Variants in DPYD observed in about 807,000 individuals in gnomAD.
The protein encoded by DPYD is dihydropyrimidine dehydrogenase [NADP(+)].
DPYD carries 109 observed loss-of-function variants against 116.2 expected under a neutral mutation model. That is an observed-to-expected ratio of 0.94 (90% CI 0.80 to 1.10). The LOEUF (loss-of-function observed/expected upper bound fraction) is 1.10, where lower values mean the gene tolerates loss of function less well. DPYD is among the 50% of genes least tolerant of loss of function. The probability of loss-of-function intolerance (pLI) is 0.00; values close to 1 mark genes in which losing one functional copy is unlikely to be tolerated. For synonymous variants in DPYD, 440 were observed against 432.0 expected (o/e 1.02, Z -0.23); for missense variants, 1,302 against 1,254.5 (o/e 1.04, Z -0.57).
At chr1:97,801,017 T>C (rs1033242657) in intron 3 of DPYD, among the ~76,000 whole-genome samples, 8 of 151,948 alleles carry the variant, frequency 5.3e-5, no homozygotes, top group African/African-American at 1.9e-4. Flanking sequence ...CATCCATCCA[T>C]TCATTCTACA....
chr1:97,379,897 C>T (rs929280474), intron 15 of DPYD, among the ~76,000 whole-genome samples: 11 of 152,274 alleles, frequency 7.2e-5, no homozygotes, highest in Non-Finnish European at 1.2e-4. Context: ...ATGTGCTATT[C>T]CCTGTCCCAT....
chr1:97,168,057 GT>G (rs1288405793), intron 20 of DPYD, among the ~76,000 whole-genome samples: 1 of 152,088 alleles, frequency 6.6e-6, no homozygotes, highest in African/African-American at 2.4e-5. Flanking sequence ...TAAACCTAAA[GT>G]TTTTATTCCA....
intron 19 of DPYD, among the ~76,000 whole-genome samples, chr1:97,234,471 G>A (rs1040964337): frequency 1.3e-5 from 2 of 151,900 alleles, no homozygotes; most frequent in East Asian, 1.9e-4. Context: ...ATCAAATTTG[G>A]TAATGACATA....
chr1:97,321,848 T>C (rs1668297061), intron 16 of DPYD, among the ~76,000 whole-genome samples: 2 of 45,168 alleles, frequency 4.4e-5, no homozygotes, highest in African/African-American at 6.5e-5. Context: ...TGTCCAACAA[T>C]GATAGACTGG....
At chr1:97,093,808 T>A (rs556996659) in intron 21 of DPYD, among the ~76,000 whole-genome samples, 43 of 152,266 alleles carry the variant, frequency 2.8e-4, no homozygotes, top group Non-Finnish European at 4.4e-4. Flanking sequence ...TATGTCTGCT[T>A]GTTAAAATGA....
At chr1:97,227,055 T>A (rs534309638) in intron 19 of DPYD, among the ~76,000 whole-genome samples, 3 of 152,096 alleles carry the variant, frequency 2.0e-5, no homozygotes, top group African/African-American at 7.2e-5. Context: ...GGGCTGGGCA[T>A]GGTGGCTCAC....
At chr1:97,084,986 G>A (rs1649415013) in intron 21 of DPYD, among the ~76,000 whole-genome samples, 1 of 152,122 alleles carries the variant, frequency 6.6e-6, no homozygotes, top group Non-Finnish European at 1.5e-5. Context: ...ATAGTGGGAT[G>A]AAGTAATAGC....
At chr1:97,674,715 C>G (rs1187011813) in intron 8 of DPYD, among the ~76,000 whole-genome samples, 2 of 151,656 alleles carry the variant, frequency 1.3e-5, no homozygotes, top group Admixed American at 6.6e-5. Flanking sequence ...CTACGTCCCA[C>G]TCCTGAAATT....
intron 8 of DPYD, among the ~76,000 whole-genome samples, chr1:97,668,936 T>C (rs1011477312): frequency 6.6e-6 from 1 of 152,208 alleles, no homozygotes; most frequent in Non-Finnish European, 1.5e-5. Context: ...ATTCTCATAA[T>C]GGATGTATTA....
At chr1:97,096,771 T>C (rs186109878) in intron 21 of DPYD, among the ~76,000 whole-genome samples, 202 of 152,192 alleles carry the variant, frequency 1.3e-3, no homozygotes, top group African/African-American at 4.4e-3. Context: ...AATAAGGGAA[T>C]AAAAGCTGGC....
chr1:97,590,077 T>C (rs982098586), intron 10 of DPYD, among the ~76,000 whole-genome samples: 1 of 152,260 alleles, frequency 6.6e-6, no homozygotes, highest in East Asian at 1.9e-4. Context: ...GACTTTCCAG[T>C]TTCATGAGTG....
intron 5 of DPYD, among the ~76,000 whole-genome samples, chr1:97,711,603 A>G (rs1176712687): frequency 6.6e-6 from 1 of 152,004 alleles, no homozygotes; most frequent in Non-Finnish European, 1.5e-5. Context: ...GTGCATGAAA[A>G]TGATGCATTC....
chr1:97,173,372 A>ATG lies in DPYD; in HGVS notation c.2622+19695_2622+19696dup, dbSNP rs543385604. Among the ~76,000 whole-genome samples the ATG allele has an allele frequency of 7.1e-3, 1,066 of 150,436 alleles. 15 individuals are homozygous for ATG. The highest frequency in any genetic ancestry group is 0.025 in the African/African-American group (1,022 of 41,140). On this transcript the variant is annotated intron_variant, in intron 20 of 22. Transcript: ENST00000370192. ...CACATATATGTACATATATACATAT[A>ATG]TGTGTGTATATACGTACATATATGT... is the stretch of plus-strand genomic sequence containing the variant.
chr1:97,690,325 G>A (rs1024271270), intron 7 of DPYD, among the ~76,000 whole-genome samples: 2 of 151,944 alleles, frequency 1.3e-5, no homozygotes, highest in African/African-American at 4.8e-5. Context: ...TCAAATAAGA[G>A]TAATGGGTAT....
chr1:97,180,909 A>C (rs1299765640), intron 20 of DPYD, among the ~76,000 whole-genome samples: 1 of 152,166 alleles, frequency 6.6e-6, no homozygotes, highest in Non-Finnish European at 1.5e-5. Flanking sequence ...AACACAATGA[A>C]AATGTAGTAT....
intron 8 of DPYD, among the ~76,000 whole-genome samples, chr1:97,649,997 C>G (rs1034149166): frequency 2.6e-5 from 4 of 152,002 alleles, no homozygotes; most frequent in African/African-American, 9.7e-5. Context: ...ATTCTTTTTC[C>G]AAATGCAAAT....
At chr1:97,859,466 A>G (rs1188245365) in intron 2 of DPYD, among the ~76,000 whole-genome samples, 1 of 152,176 alleles carries the variant, frequency 6.6e-6, no homozygotes, top group Non-Finnish European at 1.5e-5. Context: ...AAGTTGTCAG[A>G]TGGAGGATGC....
intron 3 of DPYD, among the ~76,000 whole-genome samples, chr1:97,812,309 C>A (rs577259300): frequency 1.3e-5 from 2 of 152,220 alleles, no homozygotes; most frequent in African/African-American, 4.8e-5. Context: ...CATAAATTAA[C>A]TGAATTTAAT....
At position 97,515,809 on chromosome 1, in the gene DPYD, G is replaced by C. The variant is rs2101975927; in HGVS notation, c.1657C>G (p.Pro553Ala). Residue 553 changes from proline to alanine, a missense_variant, in exon 13 of 23, where the codon CCA becomes GCA. Transcript: ENST00000370192. ...INPFGLASAT[P>A]ATSTSMIRRA... ...CGAATCATTGATGTGCTGGTGGCTG[G>C]AGTTGCGCTAGCAAGACCAAAAGGA... The C allele has an allele frequency of 6.2e-7, 1 of 1,612,940 alleles. No individual in the cohort carries two copies. The highest frequency in any genetic ancestry group is 1.1e-5 in the South Asian group (1 of 91,062).
Sources: allele counts gnomAD v4.1 joint callset (sites outside exome capture counted in the v4.1 genomes callset), GRCh38; gene constraint gnomAD v4.1.1; transcripts MANE v1.5; gene names NCBI Gene and HGNC (gene_info 2026-07-23, HGNC 2026-07-21).